Variants in WDR37 observed in about 807,000 individuals in gnomAD.
WDR37 encodes WD repeat domain 37.
WDR37 carries 19 observed loss-of-function variants against 62.9 expected under a neutral mutation model. The observed-to-expected ratio is 0.30, with a 90% CI of 0.21 to 0.44. The LOEUF is 0.44. Ranked by LOEUF, WDR37 falls within the 20% of genes least tolerant of loss-of-function variation. The pLI is 1.00. For missense variants in WDR37, 474 were observed against 657.6 expected, an observed-to-expected ratio of 0.72 and a Z score of 3.05; for synonymous variants, 250 against 260.9, an observed-to-expected ratio of 0.96 and a Z score of 0.40.
chr10:1,114,337 C>A (rs138736765), intron 11 of WDR37, among the ~76,000 whole-genome samples: 242 of 152,304 alleles, frequency 1.6e-3, no homozygotes, highest in Non-Finnish European at 1.8e-3. Context: ...ATAGCAGACT[C>A]CATTGCTGTC....
In WDR37 at chr10:1,096,047, C is replaced by T. The variant is rs1390246703; in HGVS notation, c.650-123C>T. 1.7e-5 allele frequency: 14 copies of T among 809,382 alleles called. No individual in the cohort carries two copies. In the Admixed American group the frequency reaches 2.3e-4, roughly 14 times the overall value. 50.1% of individuals were successfully genotyped at this position (809,382 alleles called of 1,614,324 possible). On this transcript the variant is annotated intron_variant, in intron 8 of 13. Transcript: ENST00000263150. ...AGTTATTTAAGTAAAAAGTACATTC[C>T]TCTCACTAAGTGGTCACTAAGCTGG...
At chr10:1,120,625 C>T (rs1040639225) in intron 11 of WDR37, among the ~76,000 whole-genome samples, 34 of 152,256 alleles carry the variant, frequency 2.2e-4, no homozygotes, top group African/African-American at 5.1e-4. Context: ...AAGGGGCTGC[C>T]GTCCACAGGA....
intron 6 of WDR37, among the ~76,000 whole-genome samples, chr10:1,085,042 A>C (rs1480195842): frequency 6.6e-6 from 1 of 151,986 alleles, no homozygotes; most frequent in Non-Finnish European, 1.5e-5. Context: ...GCTCACTGCA[A>C]CCTCTGCCAC....
In WDR37 at chr10:1,080,052, G is replaced by C. The variant is rs749979685; in HGVS notation, c.277G>C (p.Glu93Gln). ...IDTLNERLAA[E>Q]GQAIDGAELS... is the part of the protein sequence containing the mutation. The stretch of plus-strand genomic sequence containing the variant: ...CACTCTTAATGAACGTTTAGCTGCT[G>C]AAGGACAAGCGATTGATGGAGCAGA... The change falls in exon 4 of 14, where the codon GAA becomes CAA. Residue 93 changes from glutamate to glutamine, a missense_variant. Physicochemically the swap from Glu to Gln is conservative, Grantham distance 29. Transcript: ENST00000263150. 6.2e-7 allele frequency: 1 copy of C among 1,614,130 alleles called. No individual in the cohort carries two copies. The highest frequency in any genetic ancestry group is 8.5e-7 in the Non-Finnish European group (1 of 1,180,020).
At chr10:1,082,593 G>A (rs1834064131) in intron 5 of WDR37, among the ~76,000 whole-genome samples, 1 of 152,194 alleles carries the variant, frequency 6.6e-6, no homozygotes, top group Non-Finnish European at 1.5e-5. Context: ...TTTCTGTTAT[G>A]AACGTTCCCT....
intron 5 of WDR37, among the ~76,000 whole-genome samples, chr10:1,080,901 G>A (rs1464995443): frequency 6.8e-6 from 1 of 147,470 alleles, no homozygotes; most frequent in South Asian, 2.1e-4. Context: ...GCGAGATTCC[G>A]ACTCCAAAAA....
At chr10:1,097,106 T>TA (rs1173803195) in intron 9 of WDR37, among the ~76,000 whole-genome samples, 1 of 152,196 alleles carries the variant, frequency 6.6e-6, no homozygotes, top group Non-Finnish European at 1.5e-5. Flanking sequence ...TCTCCTCGCT[T>TA]ACAATAAAGT....
chr10:1,057,264 G>T (rs111502516), intron 1 of WDR37, among the ~76,000 whole-genome samples: 3 of 149,558 alleles, frequency 2.0e-5, no homozygotes, highest in Non-Finnish European at 4.4e-5. Context: ...GTGCGGGAGG[G>T]ATGGGGGCCC....
rs529340488 is a variant in WDR37 at position 1,121,169 on chromosome 10, C to T, written c.1104-3049C>T. On this transcript the variant is annotated intron_variant, in intron 11 of 13. Transcript: ENST00000263150. The surrounding 1 kb of genome is among the most constrained non-coding windows in gnomAD (Gnocchi z 4.5). Reference sequence around the variant, plus strand: ...GCCAGTTCTTTTTTCTTTTGATGTCCGACAATACTTGTCAGGATTGTGATT... The same window carrying T: ...GCCAGTTCTTTTTTCTTTTGATGTCTGACAATACTTGTCAGGATTGTGATT... 1.2e-4 allele frequency among the ~76,000 whole-genome samples: 19 copies of T among 152,278 alleles called. No homozygotes were observed. The South Asian group carries it at 2.7e-3, about 22-fold the overall frequency.
intron 5 of WDR37, 137 bp from the exon 6 acceptor site, chr10:1,084,266 C>G (rs1589092047): frequency 1.7e-6 from 2 of 1,163,090 alleles, no homozygotes; most frequent in Non-Finnish European, 2.4e-6. Flanking sequence ...CACACTTGCG[C>G]TGTGTTCCTT....
chr10:1,115,826 C>T (rs903609521), intron 11 of WDR37, among the ~76,000 whole-genome samples: 8 of 152,162 alleles, frequency 5.3e-5, no homozygotes, highest in Admixed American at 2.0e-4. Flanking sequence ...GGTGACTTTG[C>T]AGACAGCAGG....
intron 1 of WDR37, among the ~76,000 whole-genome samples, chr10:1,068,072 G>T (rs1486003031): frequency 6.6e-6 from 1 of 152,172 alleles, no homozygotes; most frequent in Admixed American, 6.5e-5. Context: ...ACCGGGAAGG[G>T]TGTGAGTCGG....
intron 1 of WDR37, among the ~76,000 whole-genome samples, chr10:1,060,114 C>T (rs977556999): frequency 2.0e-5 from 3 of 152,216 alleles, no homozygotes; most frequent in Non-Finnish European, 2.9e-5. Context: ...GCTGGGATTA[C>T]GGGCATGAGC....
At position 1,126,362 on chromosome 10, in the gene WDR37, C is replaced by T. The variant is rs566508729; in HGVS notation, c.1353+1338C>T. Among the ~76,000 whole-genome samples the T allele has an allele frequency of 7.8e-4, 117 of 149,804 alleles. 2 individuals are homozygous for T. Among genetic ancestry groups the T allele is most frequent in the South Asian group, 2.6e-3 (12 of 4,702 alleles). ...CGGAGCTTGCAGTGAGCTGAGATCG[C>T]GCCACTGCACTCCAGCCTGGGCGAC... On this transcript the variant is annotated intron_variant, in intron 13 of 13. Transcript: ENST00000263150.
At chr10:1,071,321 G>A (rs932283020) in intron 1 of WDR37, among the ~76,000 whole-genome samples, 42 of 152,034 alleles carry the variant, frequency 2.8e-4, no homozygotes, top group Non-Finnish European at 5.1e-4. Flanking sequence ...ATGGGAGGAG[G>A]GATCAGTAAT....
intron 11 of WDR37, 48 bp from the exon 12 acceptor site, chr10:1,124,170 A>G (rs762362240): frequency 1.2e-6 from 2 of 1,609,578 alleles, no homozygotes; most frequent in African/African-American, 1.3e-5. Context: ...GTGTGGTGTC[A>G]CGTCCTGCAC....
chr10:1,069,391 T>TATATATATGTA (rs200599689), intron 1 of WDR37, among the ~76,000 whole-genome samples: 1 of 45,960 alleles, frequency 2.2e-5, no homozygotes, highest in Non-Finnish European at 3.7e-5. Context: ...ATATATATAT[T>TATATATATGTA]TTTTTTTTTT....
chr10:1,068,453 TCAAAAAAA>T (rs554922764), intron 1 of WDR37, among the ~76,000 whole-genome samples: 11 of 151,816 alleles, frequency 7.2e-5, no homozygotes, highest in South Asian at 2.1e-4. Flanking sequence ...AGACTCTGTC[TCAAAAAAA>T]CAAAAAAACA....
chr10:1,119,175 C>T (rs1358316786), intron 11 of WDR37, among the ~76,000 whole-genome samples: 4 of 152,148 alleles, frequency 2.6e-5, no homozygotes, highest in Admixed American at 1.3e-4. Flanking sequence ...TTGTGAGAAA[C>T]GGTCTCTGTC....
Sources: allele counts gnomAD v4.1 joint callset (sites outside exome capture counted in the v4.1 genomes callset), GRCh38; gene constraint gnomAD v4.1.1; non-coding constraint Gnocchi (gnomAD v3.1); transcripts MANE v1.5; gene names NCBI Gene and HGNC (gene_info 2026-07-23, HGNC 2026-07-21).